The following DLG2 variants were observed in gnomAD, a reference collection of about 807,000 sequenced individuals.
The protein encoded by DLG2 is disks large homolog 2.
Under a neutral mutation model 132.5 loss-of-function variants are expected in DLG2, and 45 were observed. The ratio of observed to expected loss-of-function variants is 0.34; its 90% CI spans 0.27 to 0.44. The LOEUF is 0.44. Ranked by LOEUF, DLG2 falls within the 20% of genes least tolerant of loss-of-function variation. The pLI is 1.00. For synonymous variants in DLG2, 424 were observed against 419.6 expected (o/e 1.01, Z -0.13); for missense variants, 1,045 against 1,196.9 (o/e 0.87, Z 1.87).
rs188960742 is a variant in DLG2 at position 85,151,741 on chromosome 11, G to A, written c.282+2815C>T. Among the ~76,000 whole-genome samples, 487 of 152,246 alleles carry A rather than the reference G, an allele frequency of 3.2e-3. 3 individuals are homozygous for A. The highest frequency in any genetic ancestry group is 0.01 in the African/African-American group (432 of 41,540). On this transcript the variant is annotated intron_variant, in intron 5 of 27. Coordinates refer to ENST00000376104, the MANE Select transcript of DLG2 (RefSeq NM_001142699.3). Reference sequence around the variant, plus strand: ...GGGATCTACATTCTCTTTCACTGATGAATATATCTGTCTTTATGCCAGTAC... The same window carrying A: ...GGGATCTACATTCTCTTTCACTGATAAATATATCTGTCTTTATGCCAGTAC...
intron 16 of DLG2, among the ~76,000 whole-genome samples, chr11:83,840,943 C>T (rs530123440): frequency 1.1e-3 from 160 of 152,210 alleles, no homozygotes; most frequent in African/African-American, 3.6e-3. Flanking sequence ...TACTGTTTCC[C>T]GTTTGTCTTT....
chr11:85,303,713 G>T (rs188282788), intron 3 of DLG2, among the ~76,000 whole-genome samples: 1 of 152,296 alleles, frequency 6.6e-6, no homozygotes, highest in East Asian at 1.9e-4. Context: ...AGAGATCTGA[G>T]TTCTAGTCCC....
At chr11:85,475,655 G>A (rs2093118969) in intron 3 of DLG2, among the ~76,000 whole-genome samples, 1 of 152,074 alleles carries the variant, frequency 6.6e-6, no homozygotes, top group Non-Finnish European at 1.5e-5. Context: ...ATAGTTCAAA[G>A]TTCTGCATCT....
intron 7 of DLG2, among the ~76,000 whole-genome samples, chr11:84,473,519 G>A (rs912093356): frequency 6.6e-6 from 1 of 151,776 alleles, no homozygotes; most frequent in Admixed American, 6.6e-5. Flanking sequence ...ACAATAAATG[G>A]GTATTGCATG....
rs562013667 is a variant in DLG2, at chr11:84,919,337, G to A, written c.357+192324C>T. Among the ~76,000 whole-genome samples, 8 of 152,158 alleles carry A rather than the reference G, an allele frequency of 5.3e-5. No individual in the cohort carries two copies. The East Asian group carries it at 1.2e-3, about 22-fold the overall frequency. On this transcript the variant is annotated intron_variant, in intron 6 of 27. Coordinates refer to ENST00000376104, the MANE Select transcript of DLG2 (RefSeq NM_001142699.3). Reference sequence around the variant, plus strand: ...CTTTCTTAAGCTATGCAATAAATGGGGAAGACAAGTTCAAAGTAGTTCTTT... The same window carrying A: ...CTTTCTTAAGCTATGCAATAAATGGAGAAGACAAGTTCAAAGTAGTTCTTT...
At chr11:84,384,956 G>C (rs1230650323) in intron 7 of DLG2, among the ~76,000 whole-genome samples, 1 of 152,088 alleles carries the variant, frequency 6.6e-6, no homozygotes, top group African/African-American at 2.4e-5. Context: ...GCCAGGTGCA[G>C]GGGTTGGATG....
intron 5 of DLG2, among the ~76,000 whole-genome samples, chr11:85,117,871 GA>G (rs2073852102): frequency 6.6e-6 from 1 of 151,942 alleles, no homozygotes. Flanking sequence ...CCTGTAAATG[GA>G]AAGTTATGAG....
chr11:84,760,767 C>A (rs1291734467), intron 6 of DLG2, among the ~76,000 whole-genome samples: 1 of 152,092 alleles, frequency 6.6e-6, no homozygotes, highest in Non-Finnish European at 1.5e-5. Context: ...TAGAAGAGGG[C>A]AGTTCCCCAG....
intron 3 of DLG2, among the ~76,000 whole-genome samples, chr11:85,414,349 G>A (rs367868368): frequency 8.5e-5 from 13 of 152,088 alleles, no homozygotes; most frequent in South Asian, 4.1e-4. Flanking sequence ...AGCAAACAGC[G>A]ACAGTTTGAC....
intron 5 of DLG2, among the ~76,000 whole-genome samples, chr11:85,139,415 C>A (rs1025724085): frequency 6.6e-6 from 1 of 151,998 alleles, no homozygotes; most frequent in Non-Finnish European, 1.5e-5. Flanking sequence ...AGTTTGGTTT[C>A]TAAGGATCTG....
chr11:84,843,250 T>C (rs78825498), intron 6 of DLG2, among the ~76,000 whole-genome samples: 9,935 of 151,480 alleles, frequency 0.066, 653 homozygotes, highest in African/African-American at 0.16. Flanking sequence ...ATCAAATACA[T>C]GCCATTGTTT....
intron 3 of DLG2, among the ~76,000 whole-genome samples, chr11:85,467,393 T>C (rs1476074282): frequency 6.6e-6 from 1 of 152,178 alleles, no homozygotes; most frequent in Non-Finnish European, 1.5e-5. Context: ...GTGCCAGTTT[T>C]CAAAGGGAAT....
intron 6 of DLG2, among the ~76,000 whole-genome samples, chr11:84,588,218 TAAG>T (rs1272520836): frequency 6.6e-6 from 1 of 152,180 alleles, no homozygotes; most frequent in African/African-American, 2.4e-5. Context: ...ATACAGAGAA[TAAG>T]AAGATGCAGT....
At chr11:84,601,938 T>C (rs2099577349) in intron 6 of DLG2, among the ~76,000 whole-genome samples, 1 of 152,032 alleles carries the variant, frequency 6.6e-6, no homozygotes, top group South Asian at 2.1e-4. Flanking sequence ...GCCAATTATT[T>C]AACATTTGGG....
intron 6 of DLG2, among the ~76,000 whole-genome samples, chr11:84,644,096 G>A (rs1458274024): frequency 2.0e-5 from 3 of 152,096 alleles, no homozygotes; most frequent in Admixed American, 6.5e-5. Context: ...TCCCCAATAC[G>A]TGGCCGTCTA....
chr11:83,504,193 T>C (rs964022279), intron 21 of DLG2, among the ~76,000 whole-genome samples: 20 of 152,350 alleles, frequency 1.3e-4, no homozygotes, highest in African/African-American at 4.8e-4. Context: ...CATGTGGTCA[T>C]AGCTGGTATT....
intron 5 of DLG2, among the ~76,000 whole-genome samples, chr11:85,150,305 C>A (rs533070742): frequency 1.5e-4 from 23 of 152,144 alleles, no homozygotes; most frequent in African/African-American, 4.8e-4. Flanking sequence ...CAGGCGTGAG[C>A]CACCGTGCCC....
chr11:85,132,696 C>A (rs1411684517), intron 5 of DLG2: 1 of 456,408 alleles, frequency 2.2e-6, no homozygotes, highest in Non-Finnish European at 4.4e-6. Context: ...CCTACTAGAA[C>A]TGTTTAATTA....
chr11:84,662,884 G>A (rs968675435), intron 6 of DLG2, among the ~76,000 whole-genome samples: 12 of 151,434 alleles, frequency 7.9e-5, no homozygotes, highest in Non-Finnish European at 1.6e-4. Flanking sequence ...GAGAAAAGGT[G>A]GAGCTATAAG....
Sources: gnomAD v4.1 joint callset for allele counts (sites outside exome capture counted in the v4.1 genomes callset) on GRCh38, gnomAD v4.1.1 for gene constraint, MANE v1.5 for transcripts, NCBI Gene and HGNC (gene_info 2026-07-23, HGNC 2026-07-21) for gene names.